Variants in NTM observed in about 807,000 individuals in gnomAD.
NTM encodes the protein neurotrimin.
NTM carries 13 observed loss-of-function variants against 42.1 expected under a neutral mutation model. The observed-to-expected ratio is 0.31, with a 90% CI of 0.20 to 0.49. The LOEUF is 0.49. Among genes scored for constraint, NTM ranks in the 20% least tolerant of loss-of-function variants. The pLI is 0.99. For missense variants in NTM, 373 were observed against 452.8 expected (o/e 0.82, Z 1.60); for synonymous variants, 187 against 179.2 (o/e 1.04, Z -0.35).
intron 2 of NTM, among the ~76,000 whole-genome samples, chr11:131,913,566 T>C (rs2055695401): frequency 1.3e-5 from 2 of 152,210 alleles, no homozygotes. Flanking sequence ...TATCATGTAC[T>C]GGCTGACTTA....
At chr11:131,722,745 TTAGCTGGC>T (rs1281640437) in intron 1 of NTM, among the ~76,000 whole-genome samples, 4 of 152,168 alleles carry the variant, frequency 2.6e-5, no homozygotes, top group Non-Finnish European at 5.9e-5. Context: ...CCCATGATGA[TTAGCTGGC>T]CTGGAACACC....
intron 1 of NTM, among the ~76,000 whole-genome samples, chr11:131,603,594 T>C (rs2060670198): frequency 6.6e-6 from 1 of 152,178 alleles, no homozygotes; most frequent in Non-Finnish European, 1.5e-5. Context: ...TTTAGTATAT[T>C]GACAGAGTTG....
chr11:131,658,166 AT>A (rs373024789), intron 1 of NTM, among the ~76,000 whole-genome samples: 43 of 152,160 alleles, frequency 2.8e-4, no homozygotes, highest in African/African-American at 9.9e-4. Context: ...TCTTAGTTCC[AT>A]TTCTTCCATT....
intron 3 of NTM, among the ~76,000 whole-genome samples, chr11:132,208,554 C>G (rs774131096): frequency 6.6e-6 from 1 of 152,138 alleles, no homozygotes; most frequent in Admixed American, 6.6e-5. Flanking sequence ...GCATGAGGTG[C>G]GATTGTCTCA....
At chr11:131,428,430 G>A (rs1402453014) in intron 1 of NTM, among the ~76,000 whole-genome samples, 1 of 152,082 alleles carries the variant, frequency 6.6e-6, no homozygotes, top group Non-Finnish European at 1.5e-5. Context: ...TACTATGTGT[G>A]GCCTCTTTCC....
chr11:131,521,738 A>C (rs951970374), intron 1 of NTM, among the ~76,000 whole-genome samples: 1 of 151,988 alleles, frequency 6.6e-6, no homozygotes, highest in African/African-American at 2.4e-5. Context: ...ACTGAGGATC[A>C]CATTTGAACA....
At chr11:132,106,565 T>C (rs925468141) in intron 2 of NTM, among the ~76,000 whole-genome samples, 11 of 151,890 alleles carry the variant, frequency 7.2e-5, no homozygotes, top group African/African-American at 2.2e-4. Context: ...CAGCAGGAGG[T>C]GTCCAGGTTG....
intron 3 of NTM, among the ~76,000 whole-genome samples, chr11:132,186,076 A>C (rs2078348392): frequency 6.6e-6 from 1 of 152,228 alleles, no homozygotes; most frequent in Non-Finnish European, 1.5e-5. Flanking sequence ...ATTGAAATCA[A>C]TAAATCCCAG....
At chr11:131,377,958 C>G (rs1942190578) in intron 1 of NTM, among the ~76,000 whole-genome samples, 2 of 152,240 alleles carry the variant, frequency 1.3e-5, no homozygotes, top group Non-Finnish European at 2.9e-5. Context: ...CATTGCCCAA[C>G]TTGATCTCAG....
intron 1 of NTM, among the ~76,000 whole-genome samples, chr11:131,400,405 G>A (rs777653481): frequency 4.6e-5 from 7 of 152,044 alleles, no homozygotes; most frequent in Admixed American, 4.6e-4. Flanking sequence ...CTTTATTCCC[G>A]GACCGTGTCT....
chr11:131,607,866 G>A (rs975390561), intron 1 of NTM, among the ~76,000 whole-genome samples: 35 of 148,280 alleles, frequency 2.4e-4, no homozygotes, highest in African/African-American at 6.2e-4. Context: ...CGGTTTGATC[G>A]GTAGACATTT....
chr11:132,218,478 CA>C, intron 4 of NTM, among the ~76,000 whole-genome samples: 1 of 152,198 alleles, frequency 6.6e-6, no homozygotes, highest in East Asian at 1.9e-4. Context: ...GGAAGTCGCC[CA>C]AGTCTCTAGG....
chr11:132,325,373 T>C (rs950130423), intron 7 of NTM, among the ~76,000 whole-genome samples: 40 of 152,100 alleles, frequency 2.6e-4, no homozygotes, highest in African/African-American at 9.7e-4. Context: ...AACAGACACT[T>C]CTCAAAAGAA....
chr11:131,552,837 G>T (rs989909205), intron 1 of NTM, among the ~76,000 whole-genome samples: 1 of 148,550 alleles, frequency 6.7e-6, no homozygotes, highest in African/African-American at 2.5e-5. Flanking sequence ...AAAAATAATA[G>T]CCTCAAGGTA....
chr11:131,426,839 T>C (rs967869351), intron 1 of NTM, among the ~76,000 whole-genome samples: 2 of 152,074 alleles, frequency 1.3e-5, no homozygotes, highest in Admixed American at 6.6e-5. Flanking sequence ...TAAATTGAGT[T>C]CACTGGGTCA....
At chr11:131,620,714 A>G (rs903826787) in intron 1 of NTM, among the ~76,000 whole-genome samples, 3 of 152,178 alleles carry the variant, frequency 2.0e-5, no homozygotes, top group African/African-American at 4.8e-5. Flanking sequence ...TTCCTAATGG[A>G]GTGGGTCCAC....
chr11:132,211,879 A>T (rs2082906429), intron 3 of NTM, 143 bp from the exon 4 acceptor site: 1 of 680,682 alleles, frequency 1.5e-6, no homozygotes, highest in Non-Finnish European at 2.2e-6. Context: ...TTTTATGTTT[A>T]AGGTAATTCC....
intron 2 of NTM, among the ~76,000 whole-genome samples, chr11:131,949,888 C>T (rs2060787177): frequency 1.4e-5 from 2 of 143,432 alleles, no homozygotes; most frequent in African/African-American, 5.1e-5. Context: ...TTGAGACTCT[C>T]CTAGCTACTC....
At chr11:132,066,342 C>G (rs970784948) in intron 2 of NTM, among the ~76,000 whole-genome samples, 11 of 152,146 alleles carry the variant, frequency 7.2e-5, no homozygotes, top group Non-Finnish European at 1.3e-4. Context: ...TGTCAGCCAT[C>G]CCTGTATTAG....
Sources: allele counts gnomAD v4.1 joint callset (sites outside exome capture counted in the v4.1 genomes callset), GRCh38; gene constraint gnomAD v4.1.1; transcripts MANE v1.5; gene names NCBI Gene and HGNC (gene_info 2026-07-23, HGNC 2026-07-21).